MMS22L: variants seen among roughly 807,000 people sequenced by gnomAD.
MMS22L encodes the protein protein MMS22-like.
A neutral mutation model predicts 159.1 loss-of-function variants in MMS22L; 74 were observed. The observed-to-expected ratio is 0.47, with a 90% CI of 0.39 to 0.56. The LOEUF is 0.56. Among genes scored for constraint, MMS22L ranks in the 20% least tolerant of loss-of-function variants. MMS22L has a pLI of 0.00. For synonymous variants in MMS22L, 517 were observed against 506.9 expected (o/e 1.02, Z -0.27); for missense variants, 1,351 against 1,422.1 (o/e 0.95, Z 0.80).
intron 14 of MMS22L, among the ~76,000 whole-genome samples, chr6:97,193,065 T>A (rs1806060482): frequency 6.6e-6 from 1 of 152,162 alleles, no homozygotes; most frequent in Non-Finnish European, 1.5e-5. Flanking sequence ...TATTCACTCA[T>A]TCATATGTAA....
intron 16 of MMS22L, 103 bp downstream of exon 16, chr6:97,181,801 T>A (rs370225948): frequency 8.2e-7 from 1 of 1,212,588 alleles, no homozygotes; most frequent in South Asian, 1.7e-5. Context: ...TGAGAGTATA[T>A]GTAGTAGAGA....
At chr6:97,193,905 C>T (rs376742666) in intron 14 of MMS22L, among the ~76,000 whole-genome samples, 3 of 151,436 alleles carry the variant, frequency 2.0e-5, no homozygotes, top group Admixed American at 6.6e-5. Flanking sequence ...GGACTACAGG[C>T]GCCCGCCACC....
intron 6 of MMS22L, chr6:97,271,137 C>T (rs1815693288): frequency 6.6e-6 from 1 of 152,000 alleles, no homozygotes; most frequent in Admixed American, 6.6e-5. Flanking sequence ...ATATACAAGA[C>T]TGTTATAACA....
chr6:97,209,158 C>T (rs1389298692), intron 14 of MMS22L, among the ~76,000 whole-genome samples: 1 of 151,958 alleles, frequency 6.6e-6, no homozygotes, highest in African/African-American at 2.4e-5. Flanking sequence ...ACTGATGAAT[C>T]CCCCAAATAT....
chr6:97,170,128 T>A (rs1582443983), intron 19 of MMS22L, among the ~76,000 whole-genome samples: 1 of 152,192 alleles, frequency 6.6e-6, no homozygotes, highest in African/African-American at 2.4e-5. Flanking sequence ...TATGTATGTA[T>A]AGGCAAAAAC....
chr6:97,215,694 T>G (rs567508162), intron 14 of MMS22L, among the ~76,000 whole-genome samples: 34 of 152,176 alleles, frequency 2.2e-4, no homozygotes, highest in South Asian at 1.0e-3. Context: ...ACAAAATCAT[T>G]CATCTTCCAC....
chr6:97,198,351 A>C (rs1224789124), intron 14 of MMS22L, among the ~76,000 whole-genome samples: 1 of 152,142 alleles, frequency 6.6e-6, no homozygotes, highest in East Asian at 1.9e-4. Context: ...ACAGACATTG[A>C]ATTAGAGTTA....
At chr6:97,181,881 A>T (rs1393023210) in intron 16 of MMS22L, 23 bp downstream of exon 16, 1 of 1,603,922 alleles carries the variant, frequency 6.2e-7, no homozygotes, top group East Asian at 2.2e-5. Context: ...ATTAATGTGT[A>T]TGCCTGAAAT....
rs560368629 is a variant in MMS22L at position 97,223,879 on chromosome 6, C to A, written c.2039+5015G>T. ...CTAAAGTATGTTAGTACCTAAAATA[C>A]AACAGCATTAATAAAGACTTGCATA... On this transcript the variant is annotated intron_variant, in intron 14 of 24. Coordinates refer to ENST00000683635, the MANE Select transcript of MMS22L (RefSeq NM_001350599.2). Among the ~76,000 whole-genome samples the A allele has an allele frequency of 5.3e-5, 8 of 152,246 alleles. No individual in the cohort carries two copies. The South Asian group carries it at 1.4e-3, about 28-fold the overall frequency.
intron 11 of MMS22L, among the ~76,000 whole-genome samples, chr6:97,236,189 C>T (rs907142171): frequency 3.9e-5 from 6 of 151,932 alleles, no homozygotes; most frequent in South Asian, 2.1e-4. Context: ...ATTAGCTGGA[C>T]GAGATGGCAG....
chr6:97,243,047 G>A (rs1255868568), intron 11 of MMS22L, among the ~76,000 whole-genome samples: 1 of 152,136 alleles, frequency 6.6e-6, no homozygotes, highest in Non-Finnish European at 1.5e-5. Context: ...TGATGACTAT[G>A]TGCCTAAGGT....
chr6:97,185,490 G>A (rs1805130412), intron 15 of MMS22L, among the ~76,000 whole-genome samples: 1 of 152,142 alleles, frequency 6.6e-6, no homozygotes, highest in South Asian at 2.1e-4. Context: ...TTGACTGGCA[G>A]TTGGGATGAT....
chr6:97,215,105 T>C (rs1189940398), intron 14 of MMS22L, among the ~76,000 whole-genome samples: 2 of 81,734 alleles, frequency 2.4e-5, no homozygotes, highest in Non-Finnish European at 6.1e-5. Flanking sequence ...TATATATATA[T>C]ATATATATAT....
At position 97,190,604 on chromosome 6, in the gene MMS22L, T is replaced by A. The variant is rs1805767067; in HGVS notation, c.2040-3914A>T. On this transcript the variant is annotated intron_variant, in intron 14 of 24. Transcript: ENST00000683635. Reference sequence around the variant, plus strand: ...ATCCAGCATTTACTGGTATTTACTATGAGACCAGCACCATGCAAAGTGTTT... The same window carrying A: ...ATCCAGCATTTACTGGTATTTACTAAGAGACCAGCACCATGCAAAGTGTTT... 2.0e-5 allele frequency among the ~76,000 whole-genome samples: 3 copies of A among 152,342 alleles called. No homozygotes were observed. In the South Asian group the frequency reaches 6.2e-4, roughly 32 times the overall value.
At chr6:97,261,435 T>C (rs1266931565) in intron 9 of MMS22L, 2 of 152,354 alleles carry the variant, frequency 1.3e-5, no homozygotes, top group Non-Finnish European at 2.9e-5. Context: ...AAGACCTTCA[T>C]GGTGACCTAC....
chr6:97,254,512 TATTA>T (rs758345595), intron 10 of MMS22L, 41 bp downstream of exon 10: 35 of 1,476,342 alleles, frequency 2.4e-5, no homozygotes, highest in East Asian at 1.7e-4. Context: ...AATAATTACA[TATTA>T]ATTGACAATA....
intron 17 of MMS22L, among the ~76,000 whole-genome samples, chr6:97,178,877 G>A (rs1804392746): frequency 6.6e-6 from 1 of 151,956 alleles, no homozygotes; most frequent in Admixed American, 6.6e-5. Flanking sequence ...ATAACAAGTG[G>A]CCACAAACAA....
At chr6:97,249,640 G>A (rs542446314) in intron 10 of MMS22L, among the ~76,000 whole-genome samples, 3 of 151,506 alleles carry the variant, frequency 2.0e-5, no homozygotes, top group African/African-American at 7.3e-5. Flanking sequence ...GGTCATGTAT[G>A]TACAAATCAA....
At chr6:97,262,894 G>C (rs1814650522) in intron 9 of MMS22L, among the ~76,000 whole-genome samples, 1 of 152,092 alleles carries the variant, frequency 6.6e-6, no homozygotes, top group Non-Finnish European at 1.5e-5. Context: ...AAAATGAAGT[G>C]AAAGTTTCTC....
Sources: allele counts gnomAD v4.1 joint callset (sites outside exome capture counted in the v4.1 genomes callset), GRCh38; gene constraint gnomAD v4.1.1; transcripts MANE v1.5; gene names NCBI Gene and HGNC (gene_info 2026-07-23, HGNC 2026-07-21).